C4BPA: variants seen among roughly 807,000 people sequenced by gnomAD.
The protein encoded by C4BPA is C4b-binding protein alpha chain.
In C4BPA, 31 loss-of-function variants were observed where a neutral mutation model predicts 63.7. The ratio of observed to expected loss-of-function variants is 0.49; its 90% CI spans 0.37 to 0.66. The LOEUF is 0.66. Among genes scored for constraint, C4BPA ranks in the 30% least tolerant of loss-of-function variants. C4BPA has a pLI of 0.00. For synonymous variants in C4BPA, 259 were observed against 254.7 expected, an observed-to-expected ratio of 1.02 and a Z score of -0.16; for missense variants, 572 against 723.3, an observed-to-expected ratio of 0.79 and a Z score of 2.40.
chr1:207,143,685 T>G, intron 10 of C4BPA, 133 bp from the exon 11 acceptor site: 1 of 670,064 alleles, frequency 1.5e-6, no homozygotes. Context: ...AATGCTAATA[T>G]GAATGTTTTC....
chr1:207,144,847 T>C lies in C4BPA; in HGVS notation c.*130T>C. 1 of 519,018 alleles carries C rather than the reference T, an allele frequency of 1.9e-6. No individual in the cohort carries two copies. The highest frequency in any genetic ancestry group is 3.2e-6 in the Non-Finnish European group (1 of 315,364). 32.2% of individuals were successfully genotyped at this position (519,018 alleles called of 1,614,324 possible). ...CATAATAAATATCTAGAAATGATAA[T>C]TTGCTAAAGTTTAGTGCTTTGAGAT... On this transcript the variant is annotated 3_prime_UTR_variant, in exon 12 of 12. Transcript: ENST00000367070.
chr1:207,104,979 C>T lies in C4BPA; in HGVS notation c.-26+549C>T, dbSNP rs549031842. Reference sequence around the variant, plus strand: ...GGTTTCTGAAGCTAGCAGTCTTAGTCGTCCTCATCTTCTTTACTTTCTGAA... The same window carrying T: ...GGTTTCTGAAGCTAGCAGTCTTAGTTGTCCTCATCTTCTTTACTTTCTGAA... On this transcript the variant is annotated intron_variant, in intron 1 of 11. Coordinates refer to ENST00000367070, the MANE Select transcript of C4BPA (RefSeq NM_000715.4). Among the ~76,000 whole-genome samples the T allele has an allele frequency of 5.9e-5, 9 of 152,328 alleles. No individual in the cohort carries two copies. In the East Asian group the frequency reaches 1.2e-3, roughly 20 times the overall value.
rs7538744 is a variant in C4BPA at position 207,122,829 on chromosome 1, G to A, written c.429-1093G>A. ...TCTCAAAGAATTCACCTGCCTCAGC[G>A]TCCCAAAGTACTGGTATTACAGGAG... is the stretch of plus-strand genomic sequence containing the variant. On this transcript the variant is annotated intron_variant, in intron 4 of 11. Transcript: ENST00000367070. 2.7e-3 allele frequency among the ~76,000 whole-genome samples: 417 copies of A among 152,036 alleles called. 2 individuals carry two copies. Among genetic ancestry groups the A allele is most frequent in the Non-Finnish European group, 4.5e-3 (303 of 67,984 alleles).
intron 1 of C4BPA, among the ~76,000 whole-genome samples, chr1:207,110,266 AAGAG>A (rs1365528423): frequency 6.6e-6 from 1 of 152,072 alleles, no homozygotes; most frequent in Non-Finnish European, 1.5e-5. Context: ...AAAGAGGAAA[AAGAG>A]AGAGGGTAGA....
intron 10 of C4BPA, among the ~76,000 whole-genome samples, chr1:207,143,545 A>G (rs1450114450): frequency 6.6e-6 from 1 of 152,180 alleles, no homozygotes; most frequent in Non-Finnish European, 1.5e-5. Flanking sequence ...AAGTGTCTTA[A>G]TGTATCTCAG....
Position 207,131,743 on chromosome 1 carries a change from G to C in C4BPA, c.1084+3G>C, listed in dbSNP as rs767515367. 15 of 1,600,618 alleles carry C rather than the reference G, an allele frequency of 9.4e-6. No homozygotes were observed. Among genetic ancestry groups the C allele is most frequent in the Admixed American group, 5.2e-5 (3 of 57,460 alleles). On this transcript the variant is annotated splice_donor_region_variant and intron_variant, in intron 8 of 11. Transcript: ENST00000367070. Reference sequence around the variant, plus strand: ...GACCCCATACCAAGGATGTGAGGGTGAGTTTTTGTTTTTTAATATTTTTGT... The same window carrying C: ...GACCCCATACCAAGGATGTGAGGGTCAGTTTTTGTTTTTTAATATTTTTGT...
intron 2 of C4BPA, among the ~76,000 whole-genome samples, chr1:207,113,588 C>A (rs1188015430): frequency 6.6e-6 from 1 of 152,184 alleles, no homozygotes; most frequent in African/African-American, 2.4e-5. Flanking sequence ...TCCTCCATAT[C>A]ATTCAAAATC....
chr1:207,139,264 G>A (rs1164531949), intron 9 of C4BPA, among the ~76,000 whole-genome samples: 3 of 152,182 alleles, frequency 2.0e-5, no homozygotes, highest in Admixed American at 6.5e-5. Context: ...AAAATGTGGT[G>A]TCTTTTTTTC....
In C4BPA at chr1:207,115,526, G is replaced by A; in HGVS notation, c.428+11G>A. ...CAGCTGTTCAGAAGGGTGAGTGTGA[G>A]GTAATCTATGAACAATTCTTTTATA... On this transcript the variant is annotated intron_variant, in intron 4 of 11. Coordinates refer to ENST00000367070, the MANE Select transcript of C4BPA (RefSeq NM_000715.4). 7.3e-7 allele frequency: 1 copy of A among 1,372,154 alleles called. No homozygotes were observed. Among genetic ancestry groups the A allele is most frequent in the Non-Finnish European group, 1.0e-6 (1 of 997,170 alleles). 85.0% of individuals were successfully genotyped at this position (1,372,154 alleles called of 1,614,324 possible). A position where few individuals can be genotyped will look rare whatever the true frequency, so the allele number is the denominator to read the frequency against.
At chr1:207,127,987 C>T (rs533528188) in intron 7 of C4BPA, among the ~76,000 whole-genome samples, 6 of 152,126 alleles carry the variant, frequency 3.9e-5, no homozygotes, top group South Asian at 2.1e-4. Flanking sequence ...AATATTGAAT[C>T]GGTGCCAGCA....
chr1:207,126,490 A>G (rs1221638558), intron 6 of C4BPA, among the ~76,000 whole-genome samples: 1 of 149,364 alleles, frequency 6.7e-6, no homozygotes, highest in Non-Finnish European at 1.5e-5. Flanking sequence ...ACCAATAAAA[A>G]CTAGTACTGA....
chr1:207,142,282 G>T (rs1572801837), intron 10 of C4BPA, among the ~76,000 whole-genome samples: 1 of 152,072 alleles, frequency 6.6e-6, no homozygotes, highest in East Asian at 1.9e-4. Context: ...GTATTCCATG[G>T]TGTATATGTG....
At chr1:207,116,514 A>G (rs7530472) in intron 4 of C4BPA, among the ~76,000 whole-genome samples, 1,179 of 33,754 alleles carry the variant, frequency 0.035, 21 homozygotes, top group South Asian at 0.18. Context: ...GTGTGTGTGT[A>G]TATGTGTGTG....
At chr1:207,117,085 AGTAT>A (rs1357755633) in intron 4 of C4BPA, among the ~76,000 whole-genome samples, 1 of 152,158 alleles carries the variant, frequency 6.6e-6, no homozygotes, top group East Asian at 1.9e-4. Flanking sequence ...TTTTCCTGAC[AGTAT>A]GTATTTATTT....
chr1:207,108,825 C>T (rs530128927), intron 1 of C4BPA, among the ~76,000 whole-genome samples: 3 of 152,002 alleles, frequency 2.0e-5, no homozygotes, highest in African/African-American at 4.8e-5. Context: ...CGGGTTCAAG[C>T]GATTAACCTG....
chr1:207,117,267 C>G (rs547673859), intron 4 of C4BPA, among the ~76,000 whole-genome samples: 20 of 152,058 alleles, frequency 1.3e-4, no homozygotes, highest in Non-Finnish European at 2.8e-4. Context: ...CCGGGCAACA[C>G]AGGGAGACCT....
At chr1:207,131,488 C>A in intron 7 of C4BPA, 58 bp from the exon 8 acceptor site, 1 of 1,249,724 alleles carries the variant, frequency 8.0e-7, no homozygotes, top group Non-Finnish European at 1.1e-6. Flanking sequence ...TTATTGACTG[C>A]TGTGGCAGCC....
chr1:207,124,454 G>A, intron 6 of C4BPA, 88 bp downstream of exon 6: 1 of 1,004,656 alleles, frequency 1.0e-6, no homozygotes, highest in South Asian at 1.5e-5. Context: ...GGGGGCAAAT[G>A]GAAAATTCAA....
Position 207,128,210 on chromosome 1 carries a change from A to T in C4BPA, c.889+1315A>T, listed in dbSNP as rs185000482. 3.0e-4 allele frequency among the ~76,000 whole-genome samples: 45 copies of T among 152,226 alleles called. No individual in the cohort carries two copies. The East Asian group carries it at 8.5e-3, about 29-fold the overall frequency. ...TATGGGTAGGTTGACAGCTATGAAT[A>T]TTGGCAGTTATTATTCTCCCCAGCT... On this transcript the variant is annotated intron_variant, in intron 7 of 11. Coordinates refer to ENST00000367070, the MANE Select transcript of C4BPA (RefSeq NM_000715.4).
Sources: gnomAD v4.1 joint callset for allele counts (sites outside exome capture counted in the v4.1 genomes callset) on GRCh38, gnomAD v4.1.1 for gene constraint, MANE v1.5 for transcripts, NCBI Gene and HGNC (gene_info 2026-07-23, HGNC 2026-07-21) for gene names.